The following DCAF6 variants were observed in gnomAD, a reference collection of about 807,000 sequenced individuals.
DCAF6 encodes the protein DDB1 and CUL4 associated factor 6.
A neutral mutation model predicts 125.1 loss-of-function variants in DCAF6; 54 were observed. The observed-to-expected ratio is 0.43, with a 90% CI of 0.35 to 0.54. DCAF6 has a LOEUF of 0.54. Ranked by LOEUF, DCAF6 falls within the 20% of genes least tolerant of loss-of-function variation. DCAF6 has a pLI of 0.01. For missense variants in DCAF6, 934 were observed against 1,161.7 expected, an observed-to-expected ratio of 0.80 and a Z score of 2.85; for synonymous variants, 371 against 390.4, an observed-to-expected ratio of 0.95 and a Z score of 0.58.
At chr1:168,003,406 A>T (rs1682908694) in intron 8 of DCAF6, among the ~76,000 whole-genome samples, 1 of 152,206 alleles carries the variant, frequency 6.6e-6, no homozygotes, top group Non-Finnish European at 1.5e-5. Flanking sequence ...ACAGTAAATG[A>T]TGTTGAAAAT....
the DCAF6 span, among the ~76,000 whole-genome samples, chr1:167,925,347 A>G: frequency 9.1e-4 from 137 of 150,676 alleles, no homozygotes; most frequent in African/African-American, 3.1e-3. Context: ...AATAAAAAGG[A>G]AAGTTAGCCA....
At chr1:167,886,443 A>C in the DCAF6 span, among the ~76,000 whole-genome samples, 2 of 152,146 alleles carry the variant, frequency 1.3e-5, no homozygotes, top group Non-Finnish European at 2.9e-5. Context: ...GACAAGAAAT[A>C]GGGAAAGGAT....
At chr1:168,050,970 G>C (rs1689843685) in intron 17 of DCAF6, 37 bp downstream of exon 17, 1 of 1,176,198 alleles carries the variant, frequency 8.5e-7, no homozygotes, top group Admixed American at 2.9e-5. Flanking sequence ...TTTTTTTTAT[G>C]ATGGATTTGC....
At chr1:168,051,541 T>C (rs922500840) in intron 17 of DCAF6, among the ~76,000 whole-genome samples, 2 of 152,268 alleles carry the variant, frequency 1.3e-5, no homozygotes, top group Non-Finnish European at 2.9e-5. Flanking sequence ...CCTGTTTTGC[T>C]GACAAAATCA....
At chr1:167,961,306 G>A (rs749064105) in intron 2 of DCAF6, among the ~76,000 whole-genome samples, 4 of 151,996 alleles carry the variant, frequency 2.6e-5, no homozygotes, top group African/African-American at 4.8e-5. Context: ...GCAGTGGCGC[G>A]ATCTCGGCTC....
At chr1:167,928,784 T>C in the DCAF6 span, among the ~76,000 whole-genome samples, 2 of 152,286 alleles carry the variant, frequency 1.3e-5, no homozygotes, top group African/African-American at 4.8e-5. Flanking sequence ...TAAGCAGAAG[T>C]ATAAACTAAC....
At chr1:167,883,516 A>G in the DCAF6 span, 2 of 1,614,256 alleles carry the variant, frequency 1.2e-6, no homozygotes, top group East Asian at 2.2e-5. Flanking sequence ...GGCATCCTGG[A>G]TGGCTGGGCC....
At chr1:168,051,053 T>C (rs1470863003) in intron 17 of DCAF6, 120 bp downstream of exon 17, 10 of 466,010 alleles carry the variant, frequency 2.1e-5, no homozygotes, top group African/African-American at 3.9e-5. Context: ...TACTGAATTC[T>C]AAGTGCTAAG....
At chr1:168,068,316 T>A (rs769114713) in intron 20 of DCAF6, 42 bp from the exon 21 acceptor site, 1 of 1,425,574 alleles carries the variant, frequency 7.0e-7, no homozygotes, top group South Asian at 1.2e-5. Context: ...AAAAATACAG[T>A]TACTTTATGA....
the DCAF6 span, among the ~76,000 whole-genome samples, chr1:167,915,870 C>G: frequency 6.6e-6 from 1 of 152,176 alleles, no homozygotes; most frequent in African/African-American, 2.4e-5. Flanking sequence ...TCATTTTGCT[C>G]TTGAAAATAT....
chr1:167,966,997 C>A (rs1016264923), intron 3 of DCAF6, among the ~76,000 whole-genome samples: 1 of 152,008 alleles, frequency 6.6e-6, no homozygotes, highest in African/African-American at 2.4e-5. Flanking sequence ...ATTTCAATAA[C>A]ATTTTTTGGG....
upstream of DCAF6, among the ~76,000 whole-genome samples, chr1:167,933,973 T>C (rs1042832042): frequency 2.0e-5 from 3 of 152,204 alleles, no homozygotes; most frequent in South Asian, 4.1e-4. Flanking sequence ...TCCCATTTTA[T>C]AGATGAGATA....
rs1439790649 is a variant in DCAF6 at position 167,991,246 on chromosome 1, A to C, written c.595A>C (p.Ile199Leu). ...NCRRAATSVA[I>L]CPPIPYYLAV... ...TCGACGTGCTGCCACGTCTGTTGCT[A>C]TTTGCCCACCAATACCATATTACCT... Residue 199 changes from isoleucine (I) to leucine (L), a missense_variant, in exon 6 of 22, where the codon ATT becomes CTT. Coordinates refer to ENST00000367840, the MANE Select transcript of DCAF6 (RefSeq NM_001198956.2). 5 of 1,612,856 alleles carry C rather than the reference A, an allele frequency of 3.1e-6. No homozygotes were observed. The South Asian group carries it at 4.4e-5, about 14-fold the overall frequency.
intron 1 of DCAF6, among the ~76,000 whole-genome samples, chr1:167,941,366 C>A (rs1203579101): frequency 6.6e-6 from 1 of 152,074 alleles, no homozygotes; most frequent in Non-Finnish European, 1.5e-5. Context: ...TAGGATGAAT[C>A]AAGTTATAAG....
intron 7 of DCAF6, among the ~76,000 whole-genome samples, chr1:167,994,125 TAATA>T (rs1307320382): frequency 2.0e-5 from 3 of 152,060 alleles, no homozygotes; most frequent in African/African-American, 7.2e-5. Flanking sequence ...GTATTAGTAA[TAATA>T]AATCACTAAT....
chr1:167,960,503 A>G (rs1488901798), intron 2 of DCAF6, among the ~76,000 whole-genome samples: 2 of 151,876 alleles, frequency 1.3e-5, no homozygotes, highest in Admixed American at 1.3e-4. Context: ...GTGGTCTCGA[A>G]CCACCAGCCA....
chr1:168,058,426 C>T (rs1443168341), intron 17 of DCAF6, among the ~76,000 whole-genome samples: 1 of 152,210 alleles, frequency 6.6e-6, no homozygotes, highest in African/African-American at 2.4e-5. Flanking sequence ...TGTTTATTCA[C>T]ATCACTGATT....
chr1:167,901,844 T>C, the DCAF6 span: 2 of 1,614,144 alleles, frequency 1.2e-6, no homozygotes, highest in Non-Finnish European at 1.7e-6. Context: ...TGACCTGCCC[T>C]GGGGATCAAT....
chr1:168,032,670 A>G (rs1334259901), intron 12 of DCAF6, among the ~76,000 whole-genome samples: 1 of 152,236 alleles, frequency 6.6e-6, no homozygotes, highest in Non-Finnish European at 1.5e-5. Context: ...ATATAATCAT[A>G]CACACATCGT....
Sources: allele counts gnomAD v4.1 joint callset (sites outside exome capture counted in the v4.1 genomes callset), GRCh38; gene constraint gnomAD v4.1.1; transcripts MANE v1.5; gene names NCBI Gene and HGNC (gene_info 2026-07-23, HGNC 2026-07-21).